Variants in JAKMIP3 observed in about 807,000 individuals in gnomAD.
The protein encoded by JAKMIP3 is Janus kinase and microtubule interacting protein 3, also known as janus kinase and microtubule-interacting protein 3.
A neutral mutation model predicts 118.5 loss-of-function variants in JAKMIP3; 58 were observed. The observed-to-expected ratio is 0.49, with a 90% CI of 0.40 to 0.61. The LOEUF (loss-of-function observed/expected upper bound fraction) is 0.61, where lower values mean the gene tolerates loss of function less well. Among genes scored for constraint, JAKMIP3 ranks in the 20% least tolerant of loss-of-function variants. The pLI is 0.00. For missense variants in JAKMIP3, 950 were observed against 1,109.0 expected (o/e 0.86, Z 2.04); for synonymous variants, 486 against 451.2 (o/e 1.08, Z -0.98).
At chr10:132,077,879 T>C (rs1157061894) in intron 1 of JAKMIP3, among the ~76,000 whole-genome samples, 2 of 152,240 alleles carry the variant, frequency 1.3e-5, no homozygotes, top group Admixed American at 6.5e-5. Context: ...TGGCATGGTC[T>C]CGGCTCACTA....
chr10:132,050,069 T>C (rs2038054534), intron 1 of JAKMIP3, among the ~76,000 whole-genome samples: 2 of 152,222 alleles, frequency 1.3e-5, no homozygotes, highest in African/African-American at 2.4e-5. Context: ...TTCTTTTCTC[T>C]TCCTCTACCT....
At chr10:132,048,823 G>T (rs2038013342) in intron 1 of JAKMIP3, among the ~76,000 whole-genome samples, 1 of 151,580 alleles carries the variant, frequency 6.6e-6, no homozygotes, top group African/African-American at 2.4e-5. Context: ...GTATTTTTTG[G>T]TAGAGACAAG....
intron 11 of JAKMIP3, 21 bp downstream of exon 11, chr10:132,142,069 G>GCA (rs776075017): frequency 2.3e-5 from 36 of 1,593,618 alleles, no homozygotes; most frequent in South Asian, 1.9e-4. Context: ...CTTCCACCGC[G>GCA]CGTTCCGGCC....
intron 9 of JAKMIP3, 104 bp from the exon 10 acceptor site, chr10:132,140,347 G>A: frequency 6.6e-7 from 1 of 1,517,078 alleles, no homozygotes; most frequent in Non-Finnish European, 9.0e-7. Context: ...TGTGTCGCAG[G>A]GTGGGGCTGC....
intron 1 of JAKMIP3, among the ~76,000 whole-genome samples, chr10:132,038,806 A>C (rs1468187970): frequency 2.0e-5 from 3 of 151,794 alleles, no homozygotes; most frequent in Non-Finnish European, 4.4e-5. Flanking sequence ...AAAAAAAAAA[A>C]AAAACCATCA....
intron 1 of JAKMIP3, among the ~76,000 whole-genome samples, chr10:132,037,746 G>A (rs1030251361): frequency 2.0e-5 from 3 of 152,254 alleles, no homozygotes; most frequent in Admixed American, 6.5e-5. Context: ...AGCGGAAGGC[G>A]GGCAGGCACC....
chr10:132,162,161 C>T (rs1330963127), intron 19 of JAKMIP3, among the ~76,000 whole-genome samples: 3 of 152,164 alleles, frequency 2.0e-5, no homozygotes, highest in Non-Finnish European at 4.4e-5. Context: ...AGGGGAATGA[C>T]TGGTTCCTCC....
Position 132,145,166 on chromosome 10 carries a change from G to A in JAKMIP3, c.1662G>A (p.Glu554=). The part of the protein sequence containing the change: ...QRAQARIEDL[E]KALAEQGQDM... ...CACAGGCGCGGATAGAGGACCTGGA[G>A]AAGGCCCTGGCGGAGCAGGGGCAGG... The change falls in exon 12 of 24, where the codon GAG becomes GAA. Residue 554 remains glutamate, a synonymous_variant. Coordinates refer to ENST00000684848, the MANE Select transcript of JAKMIP3 (RefSeq NM_001323087.2). 6.2e-7 allele frequency: 1 copy of A among 1,611,684 alleles called. No homozygotes were observed. Among genetic ancestry groups the A allele is most frequent in the East Asian group, 2.2e-5 (1 of 44,832 alleles).
rs1209930048 is a variant in JAKMIP3, at chr10:132,166,979, T to G, written c.2491-4T>G. The G allele has an allele frequency of 6.5e-7, 1 of 1,539,914 alleles. No individual in the cohort carries two copies. Among genetic ancestry groups the G allele is most frequent in the Non-Finnish European group, 8.8e-7 (1 of 1,136,462 alleles). ...GTTTCTCCATCCTCCCCTTTCCGTT[T>G]CAGTTTCTATTTTTGTTCTTATTTT... is the stretch of plus-strand genomic sequence containing the variant. On this transcript the variant is annotated splice_region_variant and splice_polypyrimidine_tract_variant and intron_variant, in intron 21 of 23. Transcript: ENST00000684848.
At chr10:132,068,839 G>A (rs1409016404) in intron 1 of JAKMIP3, among the ~76,000 whole-genome samples, 1 of 152,182 alleles carries the variant, frequency 6.6e-6, no homozygotes, top group African/African-American at 2.4e-5. Context: ...AGCAAGCACA[G>A]CTGGCAGGGG....
chr10:132,156,979 CTG>C (rs1448875941), intron 19 of JAKMIP3, among the ~76,000 whole-genome samples: 5 of 152,156 alleles, frequency 3.3e-5, no homozygotes, highest in South Asian at 4.1e-4. Flanking sequence ...CAGAGAAAGA[CTG>C]TGGGCATTCT....
chr10:132,174,237 C>T (rs992025849), intron 23 of JAKMIP3, among the ~76,000 whole-genome samples: 3 of 152,184 alleles, frequency 2.0e-5, no homozygotes, highest in Non-Finnish European at 4.4e-5. Flanking sequence ...GTGGCCCCTT[C>T]CTGGCAGCCC....
chr10:132,086,120 G>C (rs1446641702), intron 1 of JAKMIP3, among the ~76,000 whole-genome samples: 2 of 152,116 alleles, frequency 1.3e-5, no homozygotes, highest in African/African-American at 2.4e-5. Flanking sequence ...TGTTGACCCG[G>C]TGATCATTCA....
Position 132,177,415 on chromosome 10 carries a change from T to C in JAKMIP3, c.*1104-4942T>C, listed in dbSNP as rs561193317. Reference sequence around the variant, plus strand: ...GGGGGGAGTGTGCCTGTGCATTTGGTCATGGTGTGTATACACTTGCTCCTG... The same window carrying C: ...GGGGGGAGTGTGCCTGTGCATTTGGCCATGGTGTGTATACACTTGCTCCTG... On this transcript the variant is annotated intron_variant, in intron 23 of 23. Transcript: ENST00000684848. Among the ~76,000 whole-genome samples, 55 of 151,834 alleles carry C rather than the reference T, an allele frequency of 3.6e-4. 1 individual carries two copies. Among genetic ancestry groups the C allele is most frequent in the Non-Finnish European group, 2.7e-4 (18 of 67,818 alleles).
chr10:132,136,983 T>A (rs1287255168), intron 6 of JAKMIP3, 36 bp from the exon 7 acceptor site: 14 of 1,603,722 alleles, frequency 8.7e-6, no homozygotes, highest in Non-Finnish European at 1.1e-5. Flanking sequence ...ACCCCTTCAC[T>A]CCCCAACTTG....
chr10:132,080,346 T>C (rs747005452), intron 1 of JAKMIP3, among the ~76,000 whole-genome samples: 1 of 152,130 alleles, frequency 6.6e-6, no homozygotes, highest in Non-Finnish European at 1.5e-5. Context: ...TGGCGTTGCA[T>C]AGTGGTTTCG....
At chr10:132,180,708 C>CGTGTGT (rs1332633306) in intron 23 of JAKMIP3, among the ~76,000 whole-genome samples, 7 of 12,744 alleles carry the variant, frequency 5.5e-4, no homozygotes, top group Admixed American at 4.5e-3. Context: ...TGTGTGTGTG[C>CGTGTGT]GCGTGTGTGT....
intron 23 of JAKMIP3, among the ~76,000 whole-genome samples, chr10:132,171,848 G>T (rs1044182879): frequency 6.6e-6 from 1 of 151,976 alleles, no homozygotes; most frequent in Non-Finnish European, 1.5e-5. Context: ...AGAGACGGGG[G>T]TTTCACCATG....
At chr10:132,146,520 G>A (rs915082253) in intron 13 of JAKMIP3, among the ~76,000 whole-genome samples, 1 of 152,122 alleles carries the variant, frequency 6.6e-6, no homozygotes, top group African/African-American at 2.4e-5. Flanking sequence ...GCACAGGTGA[G>A]GGGTGCTCTG....
Sources: gnomAD v4.1 joint callset for allele counts (sites outside exome capture counted in the v4.1 genomes callset) on GRCh38, gnomAD v4.1.1 for gene constraint, MANE v1.5 for transcripts, NCBI Gene and HGNC (gene_info 2026-07-23, HGNC 2026-07-21) for gene names.